The following PTPRQ variants were observed in gnomAD, a reference collection of about 807,000 sequenced individuals.
PTPRQ encodes the protein protein tyrosine phosphatase receptor type Q.
A neutral mutation model predicts 246.0 loss-of-function variants in PTPRQ; 199 were observed. That is an observed-to-expected ratio of 0.81 (90% CI 0.72 to 0.91). PTPRQ has a LOEUF of 0.91. Among genes scored for constraint, PTPRQ ranks in the 40% least tolerant of loss-of-function variants. PTPRQ has a pLI of 0.00. For synonymous variants in PTPRQ, 869 were observed against 853.2 expected, an observed-to-expected ratio of 1.02 and a Z score of -0.32; for missense variants, 2,624 against 2,528.4, an observed-to-expected ratio of 1.04 and a Z score of -0.81.
chr12:80,646,610 G>T (rs1405505809), intron 35 of PTPRQ, among the ~76,000 whole-genome samples: 1 of 152,198 alleles, frequency 6.6e-6, no homozygotes, highest in East Asian at 1.9e-4. Flanking sequence ...GAGAGTGGCA[G>T]GTCCTTGTAG....
At chr12:80,642,936 A>AAACAAAAC (rs1565837023) in intron 35 of PTPRQ, among the ~76,000 whole-genome samples, 4 of 148,356 alleles carry the variant, frequency 2.7e-5, no homozygotes, top group Admixed American at 1.3e-4. Context: ...AAAAAAAAAA[A>AAACAAAAC]AAAAAAAAAA....
At chr12:80,459,563 A>G (rs1198899058) in intron 5 of PTPRQ, 80 bp downstream of exon 5, 3 of 397,152 alleles carry the variant, frequency 7.6e-6, no homozygotes, top group African/African-American at 6.2e-5. Flanking sequence ...TCTAGATACT[A>G]TATTTTTACC....
chr12:80,518,794 T>C (rs1483836896), intron 17 of PTPRQ, among the ~76,000 whole-genome samples: 1 of 152,168 alleles, frequency 6.6e-6, no homozygotes, highest in East Asian at 1.9e-4. Flanking sequence ...TGTAGGTATG[T>C]GAACTTGTTT....
At chr12:80,453,667 G>T (rs2120435918) in intron 3 of PTPRQ, among the ~76,000 whole-genome samples, 1 of 102,934 alleles carries the variant, frequency 9.7e-6, no homozygotes, top group Non-Finnish European at 2.0e-5. Flanking sequence ...AGCAGCGGTG[G>T]CTGCAGAACA....
chr12:80,598,954 C>A (rs1304892341), intron 26 of PTPRQ, among the ~76,000 whole-genome samples: 2 of 151,982 alleles, frequency 1.3e-5, no homozygotes, highest in Non-Finnish European at 2.9e-5. Context: ...GGCAAAGTTA[C>A]AAATAAGTCT....
rs1327381148 is a variant in PTPRQ, at chr12:80,678,679, T to C, written c.6816T>C (p.Val2272=). ...GAAGTAATCAGCCCATCTGTTTTGT[T>C]AACTATTCAGCACTTCAGAAGATGG... ...NKGSNQPICF[V]NYSALQKMDS... The change falls in exon 44 of 45, where the codon GTT becomes GTC. Residue 2272 remains valine, a synonymous_variant. Transcript: ENST00000644991. 6 of 1,550,298 alleles carry C rather than the reference T, an allele frequency of 3.9e-6. No individual in the cohort carries two copies. The highest frequency in any genetic ancestry group is 1.7e-4 in the Middle Eastern group (1 of 6,008).
rs187486750 is a variant in PTPRQ, at chr12:80,577,747, A to G, written c.4286-10382A>G. ...CAACTATACATGCATGGGAACAGATACAAAACAATTTTAAAATATCTTACT... is the reference window on the plus strand; with the variant it reads ...CAACTATACATGCATGGGAACAGATGCAAAACAATTTTAAAATATCTTACT... On this transcript the variant is annotated intron_variant, in intron 25 of 44. Coordinates refer to ENST00000644991, the MANE Select transcript of PTPRQ (RefSeq NM_001145026.2). Among the ~76,000 whole-genome samples the G allele has an allele frequency of 2.1e-3, 326 of 152,298 alleles. 3 individuals are homozygous for G. The highest frequency in any genetic ancestry group is 7.4e-3 in the African/African-American group (309 of 41,546).
intron 39 of PTPRQ, among the ~76,000 whole-genome samples, chr12:80,666,379 T>G (rs1255630028): frequency 6.6e-6 from 1 of 151,790 alleles, no homozygotes; most frequent in Non-Finnish European, 1.5e-5. Flanking sequence ...CTCGTGAAAG[T>G]AGAGAGTAGA....
At chr12:80,445,746 G>A (rs919038441) in intron 3 of PTPRQ, 29 bp downstream of exon 3, 1 of 1,360,054 alleles carries the variant, frequency 7.4e-7, no homozygotes, top group African/African-American at 1.4e-5. Flanking sequence ...ACTACTTAGT[G>A]TTCAAACATT....
chr12:80,626,554 G>A (rs1899207695), intron 33 of PTPRQ, among the ~76,000 whole-genome samples: 1 of 152,076 alleles, frequency 6.6e-6, no homozygotes, highest in South Asian at 2.1e-4. Flanking sequence ...TATTTACATA[G>A]CGCCAATTTC....
intron 14 of PTPRQ, among the ~76,000 whole-genome samples, chr12:80,499,991 A>T (rs61951976): frequency 6.6e-6 from 1 of 151,910 alleles, no homozygotes; most frequent in African/African-American, 2.4e-5. Context: ...CTTTAACAAA[A>T]CACCTTGTCT....
Position 80,605,114 on chromosome 12 carries a change from C to T in PTPRQ, c.4665C>T (p.Ile1555=). The part of the protein sequence containing the change: ...VHVVATSPFS[I]SISWSEPAVI... ...TAGTAGCAACATCACCTTTTAGCAT[C>T]AGCATAAGCTGGAGTGAACCTGCTG... Residue 1555 remains isoleucine (I), a synonymous_variant, in exon 27 of 45, where the codon ATC becomes ATT. Transcript: ENST00000644991. The T allele has an allele frequency of 6.5e-7, 1 of 1,545,314 alleles. No homozygotes were observed. The highest frequency in any genetic ancestry group is 8.7e-7 in the Non-Finnish European group (1 of 1,143,206).
chr12:80,556,517 G>A (rs984689033), intron 25 of PTPRQ, among the ~76,000 whole-genome samples: 10 of 152,148 alleles, frequency 6.6e-5, no homozygotes. Flanking sequence ...GAATTTCGTA[G>A]ACAAGTACAC....
chr12:80,649,888 T>A (rs1279734163), intron 37 of PTPRQ, among the ~76,000 whole-genome samples: 1 of 152,162 alleles, frequency 6.6e-6, no homozygotes, highest in African/African-American at 2.4e-5. Flanking sequence ...AAAGGTGGTC[T>A]TCTTCAGACC....
chr12:80,568,026 T>C (rs1897030698), intron 25 of PTPRQ, among the ~76,000 whole-genome samples: 1 of 152,172 alleles, frequency 6.6e-6, no homozygotes, highest in Admixed American at 6.5e-5. Context: ...TTATTGGCCA[T>C]TCATATACAG....
At chr12:80,542,607 G>A in intron 22 of PTPRQ, 123 bp from the exon 23 acceptor site, 1 of 1,238,892 alleles carries the variant, frequency 8.1e-7, no homozygotes, top group Non-Finnish European at 1.1e-6. Context: ...ATTTGTTTCT[G>A]AAATTTAAAT....
intron 9 of PTPRQ, among the ~76,000 whole-genome samples, chr12:80,485,517 C>T (rs1365058779): frequency 6.6e-6 from 1 of 152,164 alleles, no homozygotes; most frequent in Non-Finnish European, 1.5e-5. Context: ...TAGTCCCAGC[C>T]TTCCTCTATT....
chr12:80,656,490 CA>C (rs1900438007), intron 38 of PTPRQ, among the ~76,000 whole-genome samples: 1 of 152,044 alleles, frequency 6.6e-6, no homozygotes, highest in Admixed American at 6.6e-5. Context: ...TGAAAACAAA[CA>C]ACCCATCAAA....
chr12:80,496,479 T>C lies in PTPRQ; in HGVS notation c.2220T>C (p.Phe740=). 1 of 1,550,440 alleles carries C rather than the reference T, an allele frequency of 6.4e-7. No homozygotes were observed. Among genetic ancestry groups the C allele is most frequent in the Non-Finnish European group, 8.7e-7 (1 of 1,146,358 alleles). Residue 740 remains phenylalanine, a synonymous_variant, in exon 14 of 45, where the codon TTT becomes TTC. Transcript: ENST00000644991. ...TTTCTGTAAGGTCTTACACCAGATT[T>C]GGTCATGGCAATCAGGTATCTTCTT... The part of the protein sequence containing the change: ...YNISVRSYTR[F]GHGNQVSSLL...
Sources: allele counts gnomAD v4.1 joint callset (sites outside exome capture counted in the v4.1 genomes callset), GRCh38; gene constraint gnomAD v4.1.1; transcripts MANE v1.5; gene names NCBI Gene and HGNC (gene_info 2026-07-23, HGNC 2026-07-21).